Variants in TNIK observed in about 807,000 individuals in gnomAD.
TNIK encodes TRAF2 and NCK-interacting protein kinase.
Under a neutral mutation model 191.3 loss-of-function variants are expected in TNIK, and 49 were observed. That is an observed-to-expected ratio of 0.26 (90% CI 0.20 to 0.32). The LOEUF (loss-of-function observed/expected upper bound fraction) is 0.32. Ranked by LOEUF, TNIK falls within the 10% of genes least tolerant of loss-of-function variation. TNIK has a pLI of 1.00. For missense variants in TNIK, 1,155 were observed against 1,702.3 expected, an observed-to-expected ratio of 0.68 and a Z score of 5.66; for synonymous variants, 594 against 600.9, an observed-to-expected ratio of 0.99 and a Z score of 0.17.
chr3:171,133,694 T>C (rs1375948921), intron 15 of TNIK, among the ~76,000 whole-genome samples: 2 of 152,138 alleles, frequency 1.3e-5, no homozygotes, highest in African/African-American at 4.8e-5. Flanking sequence ...TATGCAGAAA[T>C]GGAGGAAAGA....
At chr3:171,149,893 C>A (rs1196771098) in intron 12 of TNIK, among the ~76,000 whole-genome samples, 1 of 152,216 alleles carries the variant, frequency 6.6e-6, no homozygotes, top group Non-Finnish European at 1.5e-5. Flanking sequence ...TCACAGGACA[C>A]ACTGGGACAC....
intron 2 of TNIK, among the ~76,000 whole-genome samples, chr3:171,280,455 C>T (rs1486854249): frequency 1.3e-5 from 2 of 152,062 alleles, no homozygotes; most frequent in Non-Finnish European, 2.9e-5. Flanking sequence ...GAAGTGGAGA[C>T]AATATTTACA....
intron 7 of TNIK, among the ~76,000 whole-genome samples, chr3:171,185,177 C>CTGTGTGTGTGTGTG (rs879495222): frequency 1.0e-3 from 119 of 118,030 alleles, no homozygotes; most frequent in South Asian, 3.8e-3. Flanking sequence ...TATAGATTTC[C>CTGTGTGTGTGTGTG]CGTGTGTGTG....
chr3:171,423,747 T>C (rs939591535), intron 1 of TNIK, among the ~76,000 whole-genome samples: 4 of 152,210 alleles, frequency 2.6e-5, no homozygotes, highest in Admixed American at 6.5e-5. Flanking sequence ...ATTCCCTATT[T>C]AATAAATGGC....
At chr3:171,079,396 C>A in intron 28 of TNIK, 122 bp downstream of exon 28, 5 of 1,150,492 alleles carry the variant, frequency 4.3e-6, no homozygotes, top group Non-Finnish European at 1.2e-6. Context: ...AAGGTTCCAG[C>A]AACATCTGAA....
intron 2 of TNIK, among the ~76,000 whole-genome samples, chr3:171,240,561 C>T (rs567643321): frequency 6.6e-6 from 1 of 152,142 alleles, no homozygotes; most frequent in South Asian, 2.1e-4. Context: ...TATTCCCCCC[C>T]AGTCCCCGAC....
At position 171,201,505 on chromosome 3, in the gene TNIK, A is replaced by C. The variant is rs113470368; in HGVS notation, c.307-6870T>G. On this transcript the variant is annotated intron_variant, in intron 4 of 32. Transcript: ENST00000436636. ...TAACCCAGAAACATCAATGAGGCAC[A>C]GAGTATTTTCATCATGTGTGGCTGA... is the stretch of plus-strand genomic sequence containing the variant. 5.2e-3 allele frequency among the ~76,000 whole-genome samples: 796 copies of C among 152,320 alleles called. 6 individuals carry two copies. Among genetic ancestry groups the C allele is most frequent in the Admixed American group, 0.012 (190 of 15,300 alleles).
intron 18 of TNIK, among the ~76,000 whole-genome samples, chr3:171,114,084 T>G (rs750229250): frequency 6.6e-6 from 1 of 152,142 alleles, no homozygotes; most frequent in Non-Finnish European, 1.5e-5. Context: ...TTTTTTTTAT[T>G]TTATTTTTCT....
intron 12 of TNIK, among the ~76,000 whole-genome samples, chr3:171,154,692 T>A (rs901388058): frequency 2.0e-5 from 3 of 152,216 alleles, no homozygotes; most frequent in Non-Finnish European, 2.9e-5. Flanking sequence ...TTATGCCAAG[T>A]AATAGAAATT....
intron 2 of TNIK, among the ~76,000 whole-genome samples, chr3:171,260,106 A>C (rs1446913749): frequency 6.6e-6 from 1 of 151,914 alleles, no homozygotes; most frequent in East Asian, 1.9e-4. Context: ...CTCATCCTCC[A>C]CCATGCCCCA....
At chr3:171,259,709 G>GAA (rs944082997) in intron 2 of TNIK, among the ~76,000 whole-genome samples, 5 of 152,172 alleles carry the variant, frequency 3.3e-5, no homozygotes. Context: ...ATCCACAACT[G>GAA]AAAAGCACAA....
At chr3:171,265,339 C>G (rs550667880) in intron 2 of TNIK, among the ~76,000 whole-genome samples, 20 of 152,290 alleles carry the variant, frequency 1.3e-4, no homozygotes, top group African/African-American at 4.1e-4. Context: ...GATTTCTAAG[C>G]AGACAATGAT....
chr3:171,157,555 G>A lies in TNIK; in HGVS notation c.1126C>T (p.Gln376Ter). The A allele has an allele frequency of 6.4e-7, 1 of 1,561,040 alleles. No individual in the cohort carries two copies. Among genetic ancestry groups the A allele is most frequent in the Admixed American group, 1.9e-5 (1 of 52,214 alleles). ...TTGTGCTCCTCATTCTCCCGCTGCT[G>A]CTGCTCCAGCTGCTGCCTCCGTAGG... is the stretch of plus-strand genomic sequence containing the variant. ...EALRRQQLEQ[Q>*]QRENEEHKRQ... The change falls in exon 12 of 33, where the codon CAG becomes TAG. Residue 376 changes from glutamine to a stop codon, truncating the protein, a stop_gained. Coordinates refer to ENST00000436636, the MANE Select transcript of TNIK (RefSeq NM_015028.4). LOFTEE classifies it high-confidence loss of function.
At chr3:171,375,613 G>A (rs1048331008) in intron 1 of TNIK, among the ~76,000 whole-genome samples, 3 of 152,164 alleles carry the variant, frequency 2.0e-5, no homozygotes, top group South Asian at 2.1e-4. Flanking sequence ...TCTAGGGTTT[G>A]ATATTCCCTG....
In TNIK at chr3:171,066,245, C is replaced by G; in HGVS notation, c.3941G>C (p.Gly1314Ala). 6.2e-7 allele frequency: 1 copy of G among 1,613,978 alleles called. No homozygotes were observed. Among genetic ancestry groups the G allele is most frequent in the Non-Finnish European group, 8.5e-7 (1 of 1,179,886 alleles). ...TTGAGCTCGCTTATGCATAAATACT[C>G]CATCCAAATGTCCTGTTTCCACTGA... Reference protein sequence around the residue: ...IRSVETGHLDGVFMHKRAQRL... With the variant: ...IRSVETGHLDAVFMHKRAQRL... Residue 1314 changes from glycine to alanine, a missense_variant, in exon 32 of 33, where the codon GGA becomes GCA. By Grantham distance (60) the Gly-to-Ala change is moderately conservative (BLOSUM62 0). Around this residue, in one of 3 missense-constraint regions of TNIK, gnomAD observed 195 missense variants for 415.4 expected, o/e 0.47. Transcript: ENST00000436636.
chr3:171,126,644 A>G (rs898195570), intron 16 of TNIK, among the ~76,000 whole-genome samples: 2 of 152,212 alleles, frequency 1.3e-5, no homozygotes, highest in Non-Finnish European at 2.9e-5. Context: ...TGTAAGGTGT[A>G]GAGAGGTTTA....
intron 1 of TNIK, among the ~76,000 whole-genome samples, chr3:171,405,140 T>C (rs1721494237): frequency 6.6e-6 from 1 of 152,200 alleles, no homozygotes; most frequent in Non-Finnish European, 1.5e-5. Flanking sequence ...AGCAATGTGT[T>C]ACTTAAGGCC....
In TNIK at chr3:171,126,163, A is replaced by C; in HGVS notation, c.1774-12T>G. The C allele has an allele frequency of 6.6e-7, 1 of 1,522,758 alleles. No homozygotes were observed. Among genetic ancestry groups the C allele is most frequent in the Non-Finnish European group, 8.8e-7 (1 of 1,138,558 alleles). 94.3% of individuals were successfully genotyped at this position (1,522,758 alleles called of 1,614,324 possible). On this transcript the variant is annotated splice_polypyrimidine_tract_variant and intron_variant, in intron 16 of 32. Coordinates refer to ENST00000436636, the MANE Select transcript of TNIK (RefSeq NM_015028.4). Reference sequence around the variant, plus strand: ...ACCAGATGTGGGATCTAAGCATCAAAACAACATGAAAACAGCACTATTAGA... The same window carrying C: ...ACCAGATGTGGGATCTAAGCATCAACACAACATGAAAACAGCACTATTAGA...
intron 15 of TNIK, among the ~76,000 whole-genome samples, chr3:171,137,868 A>T (rs1458432948): frequency 6.6e-6 from 1 of 152,020 alleles, no homozygotes; most frequent in Non-Finnish European, 1.5e-5. Flanking sequence ...GTCACTAAAA[A>T]TCCTCCATGC....
Sources: gnomAD v4.1 joint callset for allele counts (sites outside exome capture counted in the v4.1 genomes callset) on GRCh38, gnomAD v4.1.1 for gene constraint, gnomAD v4.1.1 regional missense constraint, MANE v1.5 for transcripts, NCBI Gene and HGNC (gene_info 2026-07-23, HGNC 2026-07-21) for gene names.